Variants in PTPRN2 observed in about 807,000 individuals in gnomAD.
PTPRN2 encodes protein tyrosine phosphatase receptor type N2, also known as receptor-type tyrosine-protein phosphatase N2.
PTPRN2 carries 74 observed loss-of-function variants against 118.8 expected under a neutral mutation model. The observed-to-expected ratio is 0.62, with a 90% CI of 0.52 to 0.76. The LOEUF (loss-of-function observed/expected upper bound fraction) is 0.76, where lower values mean the gene tolerates loss of function less well. Ranked by LOEUF, PTPRN2 falls within the 30% of genes least tolerant of loss-of-function variation. The probability of loss-of-function intolerance (pLI) is 0.00; values close to 1 mark genes in which losing one functional copy is unlikely to be tolerated. For synonymous variants in PTPRN2, 641 were observed against 608.0 expected (o/e 1.05, Z -0.80); for missense variants, 1,481 against 1,394.4 (o/e 1.06, Z -0.99).
intron 11 of PTPRN2, among the ~76,000 whole-genome samples, chr7:158,053,455 C>A (rs946681080): frequency 6.6e-6 from 1 of 152,142 alleles, no homozygotes; most frequent in Non-Finnish European, 1.5e-5. Flanking sequence ...AAGGGGAAAA[C>A]AGCGAAGACA....
intron 10 of PTPRN2, among the ~76,000 whole-genome samples, chr7:158,098,310 G>A (rs575306452): frequency 1.4e-3 from 220 of 152,350 alleles, no homozygotes; most frequent in African/African-American, 5.1e-3. Flanking sequence ...CACCGGGGGG[G>A]CTCCCTGGGG....
intron 11 of PTPRN2, among the ~76,000 whole-genome samples, chr7:157,982,616 T>C (rs778455656): frequency 2.9e-3 from 191 of 64,996 alleles, no homozygotes; most frequent in South Asian, 6.0e-3. Context: ...GGGTCCCCCC[T>C]AAACCCCGAG....
chr7:158,439,519 GAGA>G (rs1211767091), intron 2 of PTPRN2, among the ~76,000 whole-genome samples: 3 of 152,120 alleles, frequency 2.0e-5, no homozygotes, highest in South Asian at 4.2e-4. Flanking sequence ...AGAAGAAGAG[GAGA>G]AGGAGTAAGA....
chr7:158,365,810 G>A (rs1379878334), intron 2 of PTPRN2, among the ~76,000 whole-genome samples: 1 of 125,716 alleles, frequency 8.0e-6, no homozygotes, highest in African/African-American at 3.1e-5. Context: ...GCATCCCTGG[G>A]AGAAGCCGCA....
At chr7:158,293,385 G>A (rs1344526534) in intron 3 of PTPRN2, among the ~76,000 whole-genome samples, 2 of 152,074 alleles carry the variant, frequency 1.3e-5, no homozygotes, top group Non-Finnish European at 2.9e-5. Flanking sequence ...AGACCAGCCT[G>A]GCCAACATGG....
intron 2 of PTPRN2, among the ~76,000 whole-genome samples, chr7:158,407,021 C>T (rs1156843531): frequency 6.6e-6 from 1 of 152,210 alleles, no homozygotes; most frequent in Non-Finnish European, 1.5e-5. Context: ...CGTGCTCAGG[C>T]TGTCAGCAAG....
intron 3 of PTPRN2, among the ~76,000 whole-genome samples, chr7:158,297,286 T>C (rs1800570985): frequency 6.6e-6 from 1 of 152,240 alleles, no homozygotes; most frequent in African/African-American, 2.4e-5. Flanking sequence ...AGCCGTTCTG[T>C]CCTGGTGTTA....
intron 1 of PTPRN2, among the ~76,000 whole-genome samples, chr7:158,507,799 C>T (rs753772764): frequency 2.7e-5 from 4 of 148,754 alleles, no homozygotes; most frequent in Non-Finnish European, 4.5e-5. Context: ...AGGGAACAGC[C>T]TCTGCAACAG....
intron 11 of PTPRN2, among the ~76,000 whole-genome samples, chr7:158,009,098 C>T (rs540743688): frequency 5.9e-5 from 9 of 152,216 alleles, no homozygotes; most frequent in East Asian, 1.9e-4. Context: ...TTTGTCCAAA[C>T]GAACAGAGCC....
At chr7:158,010,964 TAAC>T (rs1806003401) in intron 11 of PTPRN2, among the ~76,000 whole-genome samples, 1 of 152,202 alleles carries the variant, frequency 6.6e-6, no homozygotes. Flanking sequence ...CCACTTAGAA[TAAC>T]AATCGCCTCC....
At chr7:157,842,288 A>G (rs113239043) in intron 12 of PTPRN2, among the ~76,000 whole-genome samples, 3,028 of 151,696 alleles carry the variant, frequency 0.02, 115 homozygotes, top group African/African-American at 0.07. Context: ...CGCCTCGTCC[A>G]CCTGACCATC....
rs761358413 is a variant in PTPRN2, at chr7:157,869,195, C to T, written c.1788+29478G>A. The T allele has an allele frequency of 1.4e-4, 22 of 152,136 alleles. No individual in the cohort carries two copies. Among genetic ancestry groups the T allele is most frequent in the East Asian group, 3.9e-4 (2 of 5,182 alleles). 9.4% of individuals were successfully genotyped at this position (152,136 alleles called of 1,614,324 possible). A position where few individuals can be genotyped will look rare whatever the true frequency, so the allele number is the denominator to read the frequency against. On this transcript the variant is annotated intron_variant, in intron 12 of 22. Coordinates refer to ENST00000389418, the MANE Select transcript of PTPRN2 (RefSeq NM_002847.5). The surrounding 1 kb of genome is among the most constrained non-coding windows in gnomAD (Gnocchi z 4.2). ...ACCTCAACTTTGCCAGGGTCCTAAG[C>T]GTGTGCTTAGGTACTTGCAGAGCCT...
chr7:158,516,984 C>T (rs578254606), intron 1 of PTPRN2, among the ~76,000 whole-genome samples: 6 of 152,282 alleles, frequency 3.9e-5, no homozygotes, highest in East Asian at 3.9e-4. Context: ...TCTAGTAAAC[C>T]GTAGCCCAGC....
chr7:158,274,035 C>G (rs1798752999), intron 3 of PTPRN2, among the ~76,000 whole-genome samples: 1 of 128,900 alleles, frequency 7.8e-6, no homozygotes, highest in Non-Finnish European at 1.6e-5. Context: ...GCCGCAGACA[C>G]AGGAGGAGAC....
At chr7:158,456,610 G>A (rs550505542) in intron 2 of PTPRN2, among the ~76,000 whole-genome samples, 8 of 152,310 alleles carry the variant, frequency 5.3e-5, no homozygotes, top group South Asian at 2.1e-4. Flanking sequence ...ATAACGGCAC[G>A]GACGCCATCG....
intron 12 of PTPRN2, among the ~76,000 whole-genome samples, chr7:157,800,540 G>A (rs1284983964): frequency 2.0e-5 from 3 of 152,158 alleles, no homozygotes; most frequent in South Asian, 2.1e-4. Flanking sequence ...GAACACCCTC[G>A]TACGGACGTT....
intron 3 of PTPRN2, among the ~76,000 whole-genome samples, chr7:158,281,043 C>A (rs1055003837): frequency 4.6e-5 from 7 of 152,240 alleles, no homozygotes; most frequent in African/African-American, 9.6e-5. Context: ...GTGGCTCACG[C>A]CTCTAATCCC....
At chr7:158,001,651 T>G (rs1441674672) in intron 11 of PTPRN2, among the ~76,000 whole-genome samples, 1 of 152,060 alleles carries the variant, frequency 6.6e-6, no homozygotes, top group Non-Finnish European at 1.5e-5. Flanking sequence ...CCGAAAACCA[T>G]CAGCAGCCTC....
At chr7:158,374,794 C>T (rs916780100) in intron 2 of PTPRN2, among the ~76,000 whole-genome samples, 4 of 152,176 alleles carry the variant, frequency 2.6e-5, no homozygotes, top group East Asian at 1.9e-4. Flanking sequence ...ATTTCCGGGG[C>T]GGGGATGTGG....
Sources: allele counts gnomAD v4.1 joint callset (sites outside exome capture counted in the v4.1 genomes callset), GRCh38; gene constraint gnomAD v4.1.1; non-coding constraint Gnocchi (gnomAD v3.1); transcripts MANE v1.5; gene names NCBI Gene and HGNC (gene_info 2026-07-23, HGNC 2026-07-21).